The following CACHD1 variants were observed in gnomAD, a reference collection of about 807,000 sequenced individuals.
The protein encoded by CACHD1 is cache domain containing 1, also known as VWFA and cache domain-containing protein 1.
CACHD1 carries 71 observed loss-of-function variants against 138.7 expected under a neutral mutation model. The ratio of observed to expected loss-of-function variants is 0.51; its 90% CI spans 0.42 to 0.62. CACHD1 has a LOEUF of 0.62. Ranked by LOEUF, CACHD1 falls within the 20% of genes least tolerant of loss-of-function variation. The pLI, the probability that CACHD1 is intolerant of heterozygous loss-of-function variation, is 0.00. For missense variants in CACHD1, 1,389 were observed against 1,625.3 expected (o/e 0.85, Z 2.50); for synonymous variants, 578 against 591.5 (o/e 0.98, Z 0.33).
chr1:64,653,980 T>C (rs1044727984), intron 11 of CACHD1, 99 bp downstream of exon 11: 1 of 1,029,150 alleles, frequency 9.7e-7, no homozygotes, highest in Non-Finnish European at 1.4e-6. Context: ...AACAAGTGTA[T>C]AAATTATTTT....
intron 2 of CACHD1, among the ~76,000 whole-genome samples, chr1:64,577,941 C>T (rs1570384447): frequency 6.6e-6 from 1 of 152,110 alleles, no homozygotes; most frequent in Admixed American, 6.5e-5. Context: ...CTACCCCGAT[C>T]CCCCAGTAAA....
intron 16 of CACHD1, among the ~76,000 whole-genome samples, chr1:64,668,342 G>GAAAAAGAA (rs1250824861): frequency 1.5e-5 from 2 of 131,088 alleles, no homozygotes; most frequent in African/African-American, 5.9e-5. Context: ...AAAAAAAAAA[G>GAAAAAGAA]AAAAAGAAAA....
At chr1:64,646,802 C>G (rs946997859) in intron 8 of CACHD1, among the ~76,000 whole-genome samples, 3 of 152,090 alleles carry the variant, frequency 2.0e-5, no homozygotes, top group African/African-American at 7.2e-5. Context: ...AGTGGACTTC[C>G]AGTGCTACAA....
chr1:64,601,032 A>G (rs1263828900), intron 3 of CACHD1, among the ~76,000 whole-genome samples: 1 of 152,228 alleles, frequency 6.6e-6, no homozygotes, highest in Admixed American at 6.5e-5. Flanking sequence ...CATTTTCATC[A>G]TCCCAGAGAC....
rs148470027 is a variant in CACHD1 at position 64,544,727 on chromosome 1, G to C, written c.199-5867G>C. Among the ~76,000 whole-genome samples the C allele has an allele frequency of 3.3e-5, 5 of 151,734 alleles. No homozygotes were observed. The East Asian group carries it at 5.8e-4, about 18-fold the overall frequency. On this transcript the variant is annotated intron_variant, in intron 1 of 26. Transcript: ENST00000651257. ...TTTTAACTTCATTTGTGTTGAACCT[G>C]CTCTTTTGGGGAGGGAGCGGGGAGG...
Position 64,676,975 on chromosome 1 carries a change from G to A in CACHD1, c.3056G>A (p.Cys1019Tyr). ...GGCCTGCAAGATGCTCTTCACCAGT[G>A]TGTCAACAGCAGGTGCAGTCAGAGG... The part of the protein sequence containing the change: ...DPGLQDALHQ[C>Y]VNSRCSQRLE... Residue 1019 changes from cysteine (C) to tyrosine (Y), a missense_variant, in exon 22 of 27, where the codon TGT (cysteine) becomes TAT (tyrosine). Physicochemically the swap from Cys to Tyr is radical, Grantham distance 194. This residue lies in a region of CACHD1 where 250 missense variants were observed against 292.9 expected (regional missense o/e 0.85). Coordinates refer to ENST00000651257, the MANE Select transcript of CACHD1 (RefSeq NM_020925.4). 6.2e-7 allele frequency: 1 copy of A among 1,613,938 alleles called. No homozygotes were observed. Among genetic ancestry groups the A allele is most frequent in the Non-Finnish European group, 8.5e-7 (1 of 1,179,888 alleles).
chr1:64,596,465 G>A (rs1365799571), intron 3 of CACHD1, among the ~76,000 whole-genome samples: 2 of 152,210 alleles, frequency 1.3e-5, no homozygotes, highest in African/African-American at 2.4e-5. Context: ...CAGGGGCTTA[G>A]TAGGCCTGAG....
At chr1:64,684,209 G>T (rs1650279680) in intron 26 of CACHD1, among the ~76,000 whole-genome samples, 1 of 152,116 alleles carries the variant, frequency 6.6e-6, no homozygotes, top group Non-Finnish European at 1.5e-5. Flanking sequence ...ACCCAGGCTG[G>T]AGTGCAAAGG....
intron 15 of CACHD1, among the ~76,000 whole-genome samples, chr1:64,665,711 G>A (rs1175538117): frequency 6.6e-6 from 1 of 152,246 alleles, no homozygotes; most frequent in East Asian, 1.9e-4. Context: ...GAGTAGAGGT[G>A]CATACTTAAA....
chr1:64,550,982 A>G (rs1352924360), intron 2 of CACHD1, among the ~76,000 whole-genome samples: 2 of 152,236 alleles, frequency 1.3e-5, no homozygotes, highest in African/African-American at 4.8e-5. Context: ...AGGCTTTGGA[A>G]TCAGACAGAC....
rs763070698 is a variant in CACHD1, at chr1:64,582,291, C to T, written c.397C>T (p.Pro133Ser). ...AATTCAAGACTGCTGTACTATCCCA[C>T]CTTCCATGATGGAGTAAGACTTTAA... ...TAIQDCCTIP[P>S]SMMEFDGNFN... Residue 133 changes from proline (P) to serine (S), a missense_variant, in exon 3 of 27, where the codon CCT becomes TCT. Physicochemically the swap from Pro to Ser is moderately conservative, Grantham distance 74. Transcript: ENST00000651257. 4 of 1,613,612 alleles carry T rather than the reference C, an allele frequency of 2.5e-6. No homozygotes were observed. In the South Asian group the frequency reaches 4.4e-5, roughly 18 times the overall value.
chr1:64,591,527 A>C (rs963143131), intron 3 of CACHD1, among the ~76,000 whole-genome samples: 1 of 152,244 alleles, frequency 6.6e-6, no homozygotes, highest in Non-Finnish European at 1.5e-5. Flanking sequence ...AACAATGTCT[A>C]TCTTTCTCTT....
chr1:64,539,609 G>C (rs747311115), intron 1 of CACHD1, among the ~76,000 whole-genome samples: 1 of 152,316 alleles, frequency 6.6e-6, no homozygotes, highest in South Asian at 2.1e-4. Context: ...CCAATGTGTA[G>C]TGAGTCCTTT....
At chr1:64,553,231 C>G (rs1646773162) in intron 2 of CACHD1, among the ~76,000 whole-genome samples, 1 of 152,206 alleles carries the variant, frequency 6.6e-6, no homozygotes, top group South Asian at 2.1e-4. Context: ...GCTATCACTT[C>G]ATTATGATGG....
chr1:64,644,516 A>G (rs961570157), intron 8 of CACHD1, among the ~76,000 whole-genome samples: 1 of 152,188 alleles, frequency 6.6e-6, no homozygotes, highest in Non-Finnish European at 1.5e-5. Context: ...GCTGTCACCC[A>G]TTCCTTCACT....
chr1:64,671,479 C>T, intron 16 of CACHD1, 85 bp from the exon 17 acceptor site: 1 of 1,453,558 alleles, frequency 6.9e-7, no homozygotes, highest in Non-Finnish European at 9.6e-7. Flanking sequence ...ATTTCTAATA[C>T]CAAACAATGT....
chr1:64,478,505 G>C (rs962631380), intron 1 of CACHD1, among the ~76,000 whole-genome samples: 4 of 152,078 alleles, frequency 2.6e-5, no homozygotes, highest in Non-Finnish European at 5.9e-5. Context: ...GGAAGAGCTG[G>C]ACTAATATAT....
intron 5 of CACHD1, among the ~76,000 whole-genome samples, chr1:64,630,605 G>T (rs762619562): frequency 2.4e-4 from 36 of 152,218 alleles, no homozygotes; most frequent in Admixed American, 1.6e-3. Context: ...TTTTTATTGT[G>T]TGTGTGGTTT....
intron 8 of CACHD1, among the ~76,000 whole-genome samples, chr1:64,647,379 A>G (rs1217645450): frequency 6.6e-6 from 1 of 152,248 alleles, no homozygotes; most frequent in Non-Finnish European, 1.5e-5. Flanking sequence ...GAATGAAAGG[A>G]TCACCCTCTG....
Sources: gnomAD v4.1 joint callset for allele counts (sites outside exome capture counted in the v4.1 genomes callset) on GRCh38, gnomAD v4.1.1 for gene constraint, gnomAD v4.1.1 regional missense constraint, MANE v1.5 for transcripts, NCBI Gene and HGNC (gene_info 2026-07-23, HGNC 2026-07-21) for gene names.